Variants in GPR155 observed in about 807,000 individuals in gnomAD.
The protein encoded by GPR155 is lysosomal cholesterol signaling protein.
GPR155 carries 65 observed loss-of-function variants against 93.1 expected under a neutral mutation model. That is an observed-to-expected ratio of 0.70 (90% CI 0.57 to 0.86). The LOEUF (loss-of-function observed/expected upper bound fraction) is 0.86, where lower values mean the gene tolerates loss of function less well. GPR155 is among the 40% of genes least tolerant of loss of function. GPR155 has a pLI of 0.00. For missense variants in GPR155, 838 were observed against 1,034.8 expected, an observed-to-expected ratio of 0.81 and a Z score of 2.61; for synonymous variants, 319 against 360.1, an observed-to-expected ratio of 0.89 and a Z score of 1.29.
chr2:174,461,915 T>C (rs959587507), intron 7 of GPR155, among the ~76,000 whole-genome samples: 20 of 152,132 alleles, frequency 1.3e-4, no homozygotes, highest in African/African-American at 4.8e-4. Context: ...TCTGTGAGGA[T>C]TTATTTTATT....
intron 12 of GPR155, among the ~76,000 whole-genome samples, chr2:174,445,945 G>A (rs940522972): frequency 2.6e-5 from 4 of 150,952 alleles, no homozygotes; most frequent in African/African-American, 7.3e-5. Flanking sequence ...AGACATTAAT[G>A]TAGGCATTTA....
chr2:174,462,169 C>T (rs192692893), intron 7 of GPR155, among the ~76,000 whole-genome samples: 27 of 152,268 alleles, frequency 1.8e-4, no homozygotes, highest in Admixed American at 1.7e-3. Flanking sequence ...AACTCCTGAG[C>T]TCAGTGGATC....
chr2:174,443,227 A>G (rs971605417), intron 13 of GPR155, among the ~76,000 whole-genome samples: 3 of 152,244 alleles, frequency 2.0e-5, no homozygotes, highest in Admixed American at 2.0e-4. Context: ...CTCTGTGGGC[A>G]TAGCCATTTT....
intron 7 of GPR155, 46 bp downstream of exon 7, chr2:174,465,739 G>A (rs1051474544): frequency 2.2e-6 from 2 of 898,054 alleles, no homozygotes; most frequent in Non-Finnish European, 3.7e-6. Flanking sequence ...TAGGAATGGG[G>A]TGGGGTGGGG....
intron 2 of GPR155, among the ~76,000 whole-genome samples, chr2:174,479,120 G>A (rs765313514): frequency 9.2e-5 from 14 of 151,994 alleles, no homozygotes; most frequent in Non-Finnish European, 1.8e-4. Context: ...AACCATCAGG[G>A]AAATTTGGGC....
At chr2:174,463,881 T>C (rs537991802) in intron 7 of GPR155, among the ~76,000 whole-genome samples, 121 of 152,340 alleles carry the variant, frequency 7.9e-4, no homozygotes, top group Non-Finnish European at 1.4e-3. Context: ...TGTGCTAGAT[T>C]TAATATAAAT....
intron 15 of GPR155, 70 bp from the exon 16 acceptor site, chr2:174,436,486 G>T: frequency 2.1e-6 from 3 of 1,414,856 alleles, no homozygotes; most frequent in Non-Finnish European, 9.7e-7. Context: ...TAGAGGACAA[G>T]CAAGAAAAAA....
chr2:174,459,800 A>G (rs1048364392), intron 10 of GPR155, 78 bp downstream of exon 10: 51 of 1,039,692 alleles, frequency 4.9e-5, no homozygotes, highest in Non-Finnish European at 6.3e-5. Context: ...AGCTGAGATC[A>G]TGCCACTGCA....
intron 7 of GPR155, among the ~76,000 whole-genome samples, chr2:174,462,315 AT>A (rs939574314): frequency 6.9e-5 from 10 of 145,808 alleles, no homozygotes; most frequent in African/African-American, 2.3e-4. Context: ...ACTGAAAAAC[AT>A]TTTTTTTTTC....
chr2:174,440,209 A>G lies in GPR155; in HGVS notation c.2175-174T>C, dbSNP rs932339234. Among the ~76,000 whole-genome samples, 6 of 152,174 alleles carry G rather than the reference A, an allele frequency of 3.9e-5. No individual in the cohort carries two copies. In the East Asian group the frequency reaches 5.8e-4, roughly 15 times the overall value. On this transcript the variant is annotated intron_variant, in intron 14 of 15. Coordinates refer to ENST00000392552, the MANE Select transcript of GPR155 (RefSeq NM_152529.7). ...AGCAAAAACATTCTACATTCCAGACATCATTAGTCTCAGAAGCAAAAACAT... is the reference window on the plus strand; with the variant it reads ...AGCAAAAACATTCTACATTCCAGACGTCATTAGTCTCAGAAGCAAAAACAT...
At chr2:174,464,482 C>T (rs1024529554) in intron 7 of GPR155, among the ~76,000 whole-genome samples, 2 of 151,998 alleles carry the variant, frequency 1.3e-5, no homozygotes, top group Admixed American at 6.6e-5. Flanking sequence ...ATGACATTTT[C>T]AGGTCTAAAA....
At chr2:174,465,221 C>T (rs1687804805) in intron 7 of GPR155, among the ~76,000 whole-genome samples, 1 of 152,090 alleles carries the variant, frequency 6.6e-6, no homozygotes, top group African/African-American at 2.4e-5. Flanking sequence ...TCTCTTATTA[C>T]CTCTAATTCT....
chr2:174,470,282 G>A (rs188080733), intron 4 of GPR155, 108 bp downstream of exon 4: 66 of 892,464 alleles, frequency 7.4e-5, no homozygotes, highest in Middle Eastern at 6.9e-4. Context: ...GACCCCCGTC[G>A]TCTCTATTTT....
intron 5 of GPR155, among the ~76,000 whole-genome samples, chr2:174,467,383 A>T (rs1687869814): frequency 6.6e-6 from 1 of 152,100 alleles, no homozygotes; most frequent in Non-Finnish European, 1.5e-5. Context: ...TGGGAGGCTA[A>T]GGGAGGAGAA....
chr2:174,464,729 T>C (rs927289937), intron 7 of GPR155, among the ~76,000 whole-genome samples: 1 of 151,922 alleles, frequency 6.6e-6, no homozygotes. Context: ...AAATATAAAG[T>C]CTTTAGGCTC....
At chr2:174,446,136 G>A (rs1395252165) in intron 12 of GPR155, among the ~76,000 whole-genome samples, 2 of 151,610 alleles carry the variant, frequency 1.3e-5, no homozygotes, top group Non-Finnish European at 2.9e-5. Flanking sequence ...ATGAAACCCC[G>A]TCTCTACTAC....
At chr2:174,445,568 A>G (rs1457176229) in intron 12 of GPR155, 2 of 161,082 alleles carry the variant, frequency 1.2e-5, no homozygotes, top group Non-Finnish European at 2.7e-5. Context: ...CTTAAATGGC[A>G]CTTAAAGTGG....
chr2:174,471,075 T>C (rs1687982212), intron 3 of GPR155, among the ~76,000 whole-genome samples: 1 of 150,522 alleles, frequency 6.6e-6, no homozygotes, highest in Non-Finnish European at 1.5e-5. Context: ...GTTCAGTTAA[T>C]AACAACATTG....
Position 174,475,380 on chromosome 2 carries a change from T to C in GPR155, c.461-2016A>G, listed in dbSNP as rs571938218. On this transcript the variant is annotated intron_variant, in intron 2 of 15. Transcript: ENST00000392552. The stretch of plus-strand genomic sequence containing the variant: ...AATGATATAGGTAGGAAAATACACT[T>C]GTTTACTTACTCAGGATATGTAAGT... 3.8e-4 allele frequency among the ~76,000 whole-genome samples: 57 copies of C among 151,514 alleles called. 1 individual carries two copies. Among genetic ancestry groups the C allele is most frequent in the Non-Finnish European group, 6.8e-4 (46 of 67,952 alleles).
Sources: gnomAD v4.1 joint callset for allele counts (sites outside exome capture counted in the v4.1 genomes callset) on GRCh38, gnomAD v4.1.1 for gene constraint, MANE v1.5 for transcripts, NCBI Gene and HGNC (gene_info 2026-07-23, HGNC 2026-07-21) for gene names.